The following DCLK1 variants were observed in gnomAD, a reference collection of about 807,000 sequenced individuals.
DCLK1 encodes the protein doublecortin like kinase 1, also known as serine/threonine-protein kinase DCLK1.
A neutral mutation model predicts 86.2 loss-of-function variants in DCLK1; 16 were observed. The observed-to-expected ratio is 0.19, with a 90% confidence interval of 0.13 to 0.28. DCLK1 has a LOEUF of 0.28. Ranked by LOEUF, DCLK1 falls within the 10% of genes least tolerant of loss-of-function variation. DCLK1 has a pLI of 1.00. For synonymous variants in DCLK1, 369 were observed against 370.5 expected (o/e 1.00, Z 0.05); for missense variants, 590 against 940.2 (o/e 0.63, Z 4.87).
At chr13:36,089,515 G>T (rs753929776) in intron 3 of DCLK1, among the ~76,000 whole-genome samples, 1 of 152,054 alleles carries the variant, frequency 6.6e-6, no homozygotes, top group South Asian at 2.1e-4. Flanking sequence ...GACCACCCTC[G>T]AACAGGAACT....
chr13:35,793,517 A>G (rs746020830), intron 15 of DCLK1, 38 bp from the exon 16 acceptor site: 1 of 1,487,516 alleles, frequency 6.7e-7, no homozygotes, highest in South Asian at 1.2e-5. Context: ...AAAAAGAAAG[A>G]AAATGAGATA....
At chr13:35,914,844 TC>T (rs778742831) in intron 4 of DCLK1, among the ~76,000 whole-genome samples, 1 of 152,132 alleles carries the variant, frequency 6.6e-6, no homozygotes, top group Non-Finnish European at 1.5e-5. Context: ...CATCATTCTA[TC>T]CCTGGCAATT....
chr13:35,942,084 C>T (rs1324359459), intron 4 of DCLK1, among the ~76,000 whole-genome samples: 2 of 152,144 alleles, frequency 1.3e-5, no homozygotes, highest in African/African-American at 2.4e-5. Flanking sequence ...AGAACCTTTT[C>T]GGATCCTCAT....
intron 6 of DCLK1, among the ~76,000 whole-genome samples, chr13:35,843,899 T>C (rs1216540977): frequency 6.6e-6 from 1 of 152,230 alleles, no homozygotes; most frequent in East Asian, 1.9e-4. Flanking sequence ...TGATCTTGAC[T>C]TTAGATCCAC....
chr13:36,098,621 A>C (rs1885094047), intron 3 of DCLK1, among the ~76,000 whole-genome samples: 1 of 152,186 alleles, frequency 6.6e-6, no homozygotes, highest in Admixed American at 6.5e-5. Flanking sequence ...ATAGATCCAC[A>C]TTTCCTCTGG....
intron 8 of DCLK1, among the ~76,000 whole-genome samples, chr13:35,832,346 C>T (rs1384960217): frequency 6.6e-6 from 1 of 152,104 alleles, no homozygotes; most frequent in South Asian, 2.1e-4. Context: ...TTGGGATGCT[C>T]TAAGCTAACA....
At chr13:36,107,540 A>G (rs1885442358) in intron 3 of DCLK1, among the ~76,000 whole-genome samples, 1 of 152,056 alleles carries the variant, frequency 6.6e-6, no homozygotes, top group Non-Finnish European at 1.5e-5. Context: ...CAGATCTTTG[A>G]TGTTGAAAAG....
intron 3 of DCLK1, among the ~76,000 whole-genome samples, chr13:35,948,767 A>T (rs1480627306): frequency 6.6e-6 from 1 of 152,204 alleles, no homozygotes; most frequent in Non-Finnish European, 1.5e-5. Flanking sequence ...GTCAGTGTTT[A>T]GTCTGCCCAT....
Position 36,114,260 on chromosome 13 carries a change from G to C in DCLK1, c.377-2045C>G, listed in dbSNP as rs182576657. Among the ~76,000 whole-genome samples, 686 of 152,304 alleles carry C rather than the reference G, an allele frequency of 4.5e-3. 3 individuals carry two copies. Among genetic ancestry groups the C allele is most frequent in the Non-Finnish European group, 7.3e-3 (495 of 68,032 alleles). ...TGAAAATGTTTAAAAGCATAAGAAA[G>C]TTCTCCAGTTACACTGAGAAGGCGT... On this transcript the variant is annotated intron_variant, in intron 2 of 16. Transcript: ENST00000360631.
At chr13:35,832,641 A>T (rs1176357146) in intron 8 of DCLK1, among the ~76,000 whole-genome samples, 1 of 152,176 alleles carries the variant, frequency 6.6e-6, no homozygotes, top group African/African-American at 2.4e-5. Flanking sequence ...CACCCTCAAC[A>T]CTAGCAAAAA....
intron 4 of DCLK1, among the ~76,000 whole-genome samples, chr13:35,909,248 A>AG (rs1011480237): frequency 6.6e-6 from 1 of 152,224 alleles, no homozygotes; most frequent in African/African-American, 2.4e-5. Flanking sequence ...CACATGTGTG[A>AG]GTGCTCCCAT....
At chr13:35,792,384 C>T (rs913880444) in intron 16 of DCLK1, among the ~76,000 whole-genome samples, 3 of 151,444 alleles carry the variant, frequency 2.0e-5, no homozygotes, top group Admixed American at 1.3e-4. Context: ...TTAGAGCTCT[C>T]GCGCAACCAA....
chr13:35,809,563 G>A (rs2153102732), intron 12 of DCLK1, among the ~76,000 whole-genome samples: 3 of 152,286 alleles, frequency 2.0e-5, no homozygotes, highest in Admixed American at 2.0e-4. Flanking sequence ...TTGTACAGAA[G>A]AGAGAAAACA....
intron 3 of DCLK1, among the ~76,000 whole-genome samples, chr13:35,963,162 T>C (rs531743653): frequency 1.3e-5 from 2 of 152,328 alleles, no homozygotes; most frequent in Non-Finnish European, 2.9e-5. Flanking sequence ...GTGCCGGTTT[T>C]GTCTTCTTTA....
In DCLK1 at chr13:35,913,142, T is replaced by C. The variant is rs534044750; in HGVS notation, c.823+34216A>G. On this transcript the variant is annotated intron_variant, in intron 4 of 16. Transcript: ENST00000360631. ...CAGTGTCTTGTACCATGCAGCTTGA[T>C]GTGAAACGGTCCTGGAATACAGCCA... 1.2e-4 allele frequency among the ~76,000 whole-genome samples: 18 copies of C among 152,322 alleles called. 1 individual carries two copies. Among genetic ancestry groups the C allele is most frequent in the African/African-American group, 4.3e-4 (18 of 41,572 alleles).
At chr13:36,128,958 G>C (rs995375084) in intron 1 of DCLK1, among the ~76,000 whole-genome samples, 1 of 152,102 alleles carries the variant, frequency 6.6e-6, no homozygotes, top group Non-Finnish European at 1.5e-5. Context: ...GTGTCTTGGG[G>C]GTGGAGTGGA....
chr13:35,980,106 C>T (rs1015196927), intron 3 of DCLK1, among the ~76,000 whole-genome samples: 8 of 152,252 alleles, frequency 5.3e-5, no homozygotes, highest in East Asian at 1.9e-4. Flanking sequence ...CCATCACCAC[C>T]GCTGGTCTTC....
Position 35,771,641 on chromosome 13 carries a change from A to G in DCLK1, c.*2894T>C, listed in dbSNP as rs913798580. 4.6e-5 allele frequency: 7 copies of G among 152,238 alleles called. No homozygotes were observed. The highest frequency in any genetic ancestry group is 1.7e-4 in the African/African-American group (7 of 41,462). The allele number at this position is 152,238 out of a possible 1,614,324, so 9.4% of individuals were successfully genotyped here. Reference sequence around the variant, plus strand: ...CTATCAAACTGAAAAGATGAATCTTAAAATTCCCTTGAAAATACCATATGA... The same window carrying G: ...CTATCAAACTGAAAAGATGAATCTTGAAATTCCCTTGAAAATACCATATGA... On this transcript the variant is annotated 3_prime_UTR_variant, in exon 17 of 17. Transcript: ENST00000360631.
intron 3 of DCLK1, among the ~76,000 whole-genome samples, chr13:35,979,706 T>C (rs974262668): frequency 1.3e-5 from 2 of 152,226 alleles, no homozygotes; most frequent in Non-Finnish European, 2.9e-5. Context: ...ATTTACCTTA[T>C]TCAAATCTTA....
Sources: allele counts gnomAD v4.1 joint callset (sites outside exome capture counted in the v4.1 genomes callset), GRCh38; gene constraint gnomAD v4.1.1; transcripts MANE v1.5; gene names NCBI Gene and HGNC (gene_info 2026-07-23, HGNC 2026-07-21).